NHSL1: variants seen among roughly 807,000 people sequenced by gnomAD.
The protein encoded by NHSL1 is NHS-like protein 1.
NHSL1 carries 48 observed loss-of-function variants against 95.0 expected under a neutral mutation model. The ratio of observed to expected loss-of-function variants is 0.51; its 90% CI spans 0.40 to 0.64. The LOEUF (loss-of-function observed/expected upper bound fraction) is 0.64. Ranked by LOEUF, NHSL1 falls within the 30% of genes least tolerant of loss-of-function variation. The pLI, the probability that NHSL1 is intolerant of heterozygous loss-of-function variation, is 0.00. For missense variants in NHSL1, 1,971 were observed against 2,077.7 expected (o/e 0.95, Z 1.00); for synonymous variants, 783 against 833.9 (o/e 0.94, Z 1.05).
intron 4 of NHSL1, among the ~76,000 whole-genome samples, chr6:138,446,600 C>T (rs1455223588): frequency 6.6e-6 from 1 of 152,112 alleles, no homozygotes; most frequent in Non-Finnish European, 1.5e-5. Context: ...AGAAACATCA[C>T]AAAATAATTA....
chr6:138,651,087 G>C (rs993599622), intron 1 of NHSL1: 1 of 361,254 alleles, frequency 2.8e-6, no homozygotes, highest in Non-Finnish European at 5.3e-6. Flanking sequence ...CATCTGTTAA[G>C]CTTTAATAGC....
intron 1 of NHSL1, among the ~76,000 whole-genome samples, chr6:138,668,270 C>T (rs914064984): frequency 6.6e-6 from 1 of 152,028 alleles, no homozygotes; most frequent in African/African-American, 2.4e-5. Flanking sequence ...TACAAAATAC[C>T]CCGTCTCTAC....
At chr6:138,547,530 G>A (rs1583393920), upstream of NHSL1, among the ~76,000 whole-genome samples, 1 of 152,124 alleles carries the variant, frequency 6.6e-6, no homozygotes, top group African/African-American at 2.4e-5. Flanking sequence ...ACAGGCGCCC[G>A]CCGCCAGGCC....
At chr6:138,485,290 G>A (rs772002092) in intron 2 of NHSL1, among the ~76,000 whole-genome samples, 6 of 151,916 alleles carry the variant, frequency 3.9e-5, no homozygotes, top group East Asian at 3.9e-4. Flanking sequence ...TTACTTTATC[G>A]GGAGTTAAAA....
At chr6:138,662,145 GA>G (rs35233641) in intron 1 of NHSL1, among the ~76,000 whole-genome samples, 42,821 of 140,820 alleles carry the variant, frequency 0.3, 6,262 homozygotes, top group East Asian at 0.46. Context: ...CTTTTTTTCA[GA>G]AAAAAAAAAA....
At position 138,424,191 on chromosome 6, in the gene NHSL1, G is replaced by A. The variant is rs1775094516; in HGVS notation, c.4711C>T (p.Pro1571Ser). ...DEGGLLCGEG[P>S]AASLQPQAPG... ...GCCTGGGGCTGCAGGGAGGCGGCAGGCCCCTCCCCACAGAGCAGGCCGCCC... is the reference window on the plus strand; with the variant it reads ...GCCTGGGGCTGCAGGGAGGCGGCAGACCCCTCCCCACAGAGCAGGCCGCCC... The change falls in exon 8 of 8, where the codon CCT (proline) becomes TCT (serine). Residue 1571 changes from proline to serine, a missense_variant. By Grantham distance (74) the Pro-to-Ser change is moderately conservative. Around this residue, in one of 3 missense-constraint regions of NHSL1, gnomAD observed 223 missense variants for 217.0 expected, o/e 1.03. Coordinates refer to ENST00000343505, the MANE Select transcript of NHSL1 (RefSeq NM_001144060.2). The surrounding 1 kb of genome is among the most constrained non-coding windows in gnomAD (Gnocchi z 5.9). 4 of 1,479,330 alleles carry A rather than the reference G, an allele frequency of 2.7e-6. No individual in the cohort carries two copies. Among genetic ancestry groups the A allele is most frequent in the Admixed American group, 2.5e-5 (1 of 40,724 alleles). 91.6% of individuals were successfully genotyped at this position (1,479,330 alleles called of 1,614,324 possible). A position where few individuals can be genotyped will look rare whatever the true frequency, so the allele number is the denominator to read the frequency against.
chr6:138,576,642 C>T (rs185493345), upstream of NHSL1, among the ~76,000 whole-genome samples: 7 of 152,304 alleles, frequency 4.6e-5, no homozygotes, highest in East Asian at 1.4e-3. Context: ...TTAATGAGGG[C>T]TCACGGAATA....
chr6:138,473,524 T>C (rs1051036778), intron 2 of NHSL1, 91 bp from the exon 3 acceptor site: 173 of 1,280,026 alleles, frequency 1.4e-4, no homozygotes, highest in Middle Eastern at 1.1e-3. Context: ...TTTTTACTTT[T>C]TAAAGTTATA....
rs1480087893 is a variant in NHSL1 at position 138,458,853 on chromosome 6, A to AAAC, written c.340-11661_340-11660insGTT. 1.1e-3 allele frequency among the ~76,000 whole-genome samples: 173 copies of AAAC among 150,456 alleles called. 1 individual carries two copies. The highest frequency in any genetic ancestry group is 4.1e-3 in the African/African-American group (164 of 40,328). On this transcript the variant is annotated intron_variant, in intron 3 of 7. Transcript: ENST00000343505. ...CAAAAAAAAAAAAACAAAAAAAAAA[A>AAAC]CCCAGAAAAAATCTACTCACGTTTT...
intron 1 of NHSL1, among the ~76,000 whole-genome samples, chr6:138,592,774 T>C (rs548858919): frequency 5.9e-5 from 9 of 152,296 alleles, no homozygotes; most frequent in East Asian, 1.9e-4. Context: ...GTAAGACATA[T>C]GAAACAGGGT....
At chr6:138,519,146 C>A (rs754693057) in intron 1 of NHSL1, among the ~76,000 whole-genome samples, 8 of 151,782 alleles carry the variant, frequency 5.3e-5, no homozygotes, top group Non-Finnish European at 1.0e-4. Flanking sequence ...AGCACCACTG[C>A]GTAAATAAGC....
intron 1 of NHSL1, among the ~76,000 whole-genome samples, chr6:138,649,576 G>A (rs773818925): frequency 3.9e-5 from 6 of 152,070 alleles, no homozygotes; most frequent in Non-Finnish European, 7.4e-5. Flanking sequence ...AACTGCACAG[G>A]TAACCAGATC....
At chr6:138,592,899 C>T (rs115538970) in intron 1 of NHSL1, among the ~76,000 whole-genome samples, 1,784 of 152,260 alleles carry the variant, frequency 0.012, 27 homozygotes, top group African/African-American at 0.041. Context: ...ATTCTATATA[C>T]CAAATGCCAC....
rs759942037 is a variant in NHSL1, at chr6:138,571,945, G to A, written c.-34C>T. 12 of 1,536,682 alleles carry A rather than the reference G, an allele frequency of 7.8e-6. No individual in the cohort carries two copies. In the African/African-American group the frequency reaches 1.5e-4, roughly 19 times the overall value. ...CAAAATCAACTAGAGACAAAGAACA[G>A]CCCAGCAAACAAAACGCTGGGTTTT... On this transcript the variant is annotated 5_prime_UTR_variant, in exon 1 of 7. Transcript: ENST00000427025.
chr6:138,538,819 A>T (rs1782466750), intron 1 of NHSL1, among the ~76,000 whole-genome samples: 1 of 152,208 alleles, frequency 6.6e-6, no homozygotes, highest in Non-Finnish European at 1.5e-5. Flanking sequence ...ATATAAATTC[A>T]CTTAAAGTGT....
chr6:138,634,910 T>A (rs1784868609), intron 1 of NHSL1, among the ~76,000 whole-genome samples: 1 of 150,940 alleles, frequency 6.6e-6, no homozygotes, highest in Admixed American at 6.6e-5. Context: ...TATAAACACA[T>A]GCAAATTAAA....
intron 1 of NHSL1, among the ~76,000 whole-genome samples, chr6:138,676,915 C>T (rs575790143): frequency 1.3e-5 from 2 of 152,348 alleles, no homozygotes; most frequent in South Asian, 4.1e-4. Flanking sequence ...TCAGCCCCCA[C>T]AAAGTGCTGG....
At position 138,428,310 on chromosome 6, in the gene NHSL1, G is replaced by A. The variant is rs73570999; in HGVS notation, c.4085+1401C>T. Among the ~76,000 whole-genome samples the A allele has an allele frequency of 2.0e-3, 309 of 152,298 alleles. 2 individuals are homozygous for A. The highest frequency in any genetic ancestry group is 6.8e-3 in the African/African-American group (281 of 41,556). On this transcript the variant is annotated intron_variant, in intron 7 of 7. Transcript: ENST00000343505. ...TCTTCTAATGGTTAAATACCAGTTG[G>A]TTTCATTTAATTCAGGAAATATTTA...
intron 1 of NHSL1, among the ~76,000 whole-genome samples, chr6:138,625,549 A>G (rs1784725188): frequency 6.6e-6 from 1 of 151,560 alleles, no homozygotes. Flanking sequence ...GACAGTAGCA[A>G]TTTTATTTTC....
Sources: gnomAD v4.1 joint callset for allele counts (sites outside exome capture counted in the v4.1 genomes callset) on GRCh38, gnomAD v4.1.1 for gene constraint, gnomAD v4.1.1 regional missense constraint, Gnocchi (gnomAD v3.1) non-coding constraint, MANE v1.5 for transcripts, NCBI Gene and HGNC (gene_info 2026-07-23, HGNC 2026-07-21) for gene names.